Variants in RAF1 observed in about 807,000 individuals in gnomAD.
RAF1 encodes Raf-1 proto-oncogene, serine/threonine kinase.
Under a neutral mutation model 81.1 loss-of-function variants are expected in RAF1, and 27 were observed. The ratio of observed to expected loss-of-function variants is 0.33; its 90% CI spans 0.25 to 0.46. RAF1 has a LOEUF of 0.46. Ranked by LOEUF, RAF1 falls within the 20% of genes least tolerant of loss-of-function variation. RAF1 has a pLI of 1.00. For missense variants in RAF1, 598 were observed against 826.0 expected, an observed-to-expected ratio of 0.72 and a Z score of 3.38; for synonymous variants, 298 against 294.0, an observed-to-expected ratio of 1.01 and a Z score of -0.14.
chr3:12,659,676 C>G (rs1225711745), intron 1 of RAF1, among the ~76,000 whole-genome samples: 1 of 151,990 alleles, frequency 6.6e-6, no homozygotes, highest in Non-Finnish European at 1.5e-5. Flanking sequence ...AGAAATGACT[C>G]CCAAGATCTG....
chr3:12,600,520 A>C, intron 8 of RAF1, 105 bp from the exon 8 acceptor site: 2 of 1,224,466 alleles, frequency 1.6e-6, no homozygotes, highest in Non-Finnish European at 1.2e-6. Flanking sequence ...AGATTATAAA[A>C]ACCTCTAAAA....
At chr3:12,612,257 G>A (rs2059236157) in intron 2 of RAF1, among the ~76,000 whole-genome samples, 195 bp from the exon 3 acceptor site, 1 of 152,194 alleles carries the variant, frequency 6.6e-6, no homozygotes, top group Non-Finnish European at 1.5e-5. Flanking sequence ...GTCACATTAT[G>A]CAGCTATTAT....
rs111941154 is a variant in RAF1, at chr3:12,649,723, T to G, written c.-27+14090A>C. On this transcript the variant is annotated intron_variant, in intron 1 of 17. Coordinates refer to ENST00000442415, the MANE Select transcript of RAF1 (RefSeq NM_001354689.3). ...GTAAATGAAACACAAAAATATAACCTAGGGTCAGGCTCACACCTGTAATCT... is the reference window on the plus strand; with the variant it reads ...GTAAATGAAACACAAAAATATAACCGAGGGTCAGGCTCACACCTGTAATCT... 2.6e-5 allele frequency among the ~76,000 whole-genome samples: 4 copies of G among 152,118 alleles called. 1 individual carries two copies. Among genetic ancestry groups the G allele is most frequent in the African/African-American group, 9.6e-5 (4 of 41,482 alleles).
intron 13 of RAF1, chr3:12,590,204 C>A (rs2058465257): frequency 6.5e-6 from 1 of 154,544 alleles, no homozygotes. Context: ...CCACAGCTGT[C>A]CAAGCAGAAG....
chr3:12,635,772 G>T (rs2060007055), intron 1 of RAF1, among the ~76,000 whole-genome samples: 1 of 150,858 alleles, frequency 6.6e-6, no homozygotes, highest in African/African-American at 2.4e-5. Flanking sequence ...AGGAGATTGA[G>T]ACCATCCTGG....
Position 12,588,277 on chromosome 3 carries a change from T to C in RAF1, c.1431-640A>G, listed in dbSNP as rs1429541388. 3.9e-5 allele frequency: 6 copies of C among 152,354 alleles called. No individual in the cohort carries two copies. In the East Asian group the frequency reaches 1.2e-3, roughly 29 times the overall value. The allele number at this position is 152,354 out of a possible 1,614,324, so 9.4% of individuals were successfully genotyped here. A position where few individuals can be genotyped will look rare whatever the true frequency, so the allele number is the denominator to read the frequency against. ...CACATTAACCTTGAAAATACTATGC[T>C]AGGTCTAAGAGCCCAGGCACACAAT... is the stretch of plus-strand genomic sequence containing the variant. On this transcript the variant is annotated intron_variant, in intron 13 of 17. Transcript: ENST00000442415.
rs375338922 is a variant in RAF1 at position 12,609,217 on chromosome 3, G to C, written c.423+16C>G. The stretch of plus-strand genomic sequence containing the variant: ...AGCCCTCAACATGCCAGAAAGAGAA[G>C]AGATCTGCAACTTACAAAGTTGTGT... On this transcript the variant is annotated intron_variant, in intron 4 of 17. Transcript: ENST00000442415. 2 of 1,574,406 alleles carry C rather than the reference G, an allele frequency of 1.3e-6. No individual in the cohort carries two copies. Among genetic ancestry groups the C allele is most frequent in the African/African-American group, 2.7e-5 (2 of 74,018 alleles).
intron 1 of RAF1, among the ~76,000 whole-genome samples, chr3:12,639,774 G>A (rs200303605): frequency 1.1e-4 from 17 of 148,950 alleles, no homozygotes; most frequent in South Asian, 2.1e-4. Flanking sequence ...AATCAATATC[G>A]TGAAAATGGC....
At chr3:12,663,117 C>CCT (rs1462496923) in intron 1 of RAF1, among the ~76,000 whole-genome samples, 1 of 152,184 alleles carries the variant, frequency 6.6e-6, no homozygotes, top group Non-Finnish European at 1.5e-5. Flanking sequence ...CGTCCAAACC[C>CCT]CTCTCTCTTG....
rs1491570753 is a variant in RAF1, at chr3:12,642,719, C to CACACAAAA, written c.-27+21093_-27+21094insTTTTGTGT. On this transcript the variant is annotated intron_variant, in intron 1 of 17. Coordinates refer to ENST00000442415, the MANE Select transcript of RAF1 (RefSeq NM_001354689.3). ...ACACACACACACACACACACACACA[C>CACACAAAA]AAAATAGCTGCGTATGGTGGCATGG... 2.1e-5 allele frequency among the ~76,000 whole-genome samples: 3 copies of CACACAAAA among 141,376 alleles called. No individual in the cohort carries two copies. In the East Asian group the frequency reaches 6.1e-4, roughly 29 times the overall value. 92.7% of individuals were successfully genotyped at this position (141,376 alleles called of 152,430 possible). A position where few individuals can be genotyped will look rare whatever the true frequency, so the allele number is the denominator to read the frequency against.
rs566555202 is a variant in RAF1 at position 12,587,769 on chromosome 3, G to T, written c.1431-132C>A. 1.6e-4 allele frequency: 118 copies of T among 724,026 alleles called. No homozygotes were observed. The South Asian group carries it at 1.8e-3, about 11-fold the overall frequency. The allele number at this position is 724,026 out of a possible 1,614,324, so 44.9% of individuals were successfully genotyped here. A position where few individuals can be genotyped will look rare whatever the true frequency, so the allele number is the denominator to read the frequency against. On this transcript the variant is annotated intron_variant, in intron 13 of 17. Coordinates refer to ENST00000442415, the MANE Select transcript of RAF1 (RefSeq NM_001354689.3). ...AGTGTTACACACAGGGATAGACCCTGTGCTGTTCAGCCTGGTTCACATCAC... is the reference window on the plus strand; with the variant it reads ...AGTGTTACACACAGGGATAGACCCTTTGCTGTTCAGCCTGGTTCACATCAC...
At chr3:12,613,469 T>C (rs965364839) in intron 2 of RAF1, among the ~76,000 whole-genome samples, 28 of 141,960 alleles carry the variant, frequency 2.0e-4, no homozygotes, top group Non-Finnish European at 2.3e-4. Context: ...TGCATATATC[T>C]ACCTATGTGG....
At chr3:12,640,417 C>T (rs567658553) in intron 1 of RAF1, among the ~76,000 whole-genome samples, 2 of 152,028 alleles carry the variant, frequency 1.3e-5, no homozygotes, top group Admixed American at 6.6e-5. Flanking sequence ...AAACTACCAT[C>T]ACAGTGAACA....
intron 11 of RAF1, among the ~76,000 whole-genome samples, chr3:12,593,915 A>C (rs542696242): frequency 6.6e-6 from 1 of 151,960 alleles, no homozygotes; most frequent in Admixed American, 6.6e-5. Context: ...CAGGTGCCTA[A>C]GTAAATCTCT....
chr3:12,650,957 C>T (rs1046975984), intron 1 of RAF1, among the ~76,000 whole-genome samples: 1 of 152,124 alleles, frequency 6.6e-6, no homozygotes, highest in Non-Finnish European at 1.5e-5. Flanking sequence ...CAGACTAACG[C>T]AGAGGTAAAA....
At chr3:12,615,901 A>G (rs543827521) in intron 2 of RAF1, among the ~76,000 whole-genome samples, 1 of 152,026 alleles carries the variant, frequency 6.6e-6, no homozygotes, top group Admixed American at 6.6e-5. Flanking sequence ...ATACAAACAA[A>G]TTAGCCAGGC....
intron 5 of RAF1, among the ~76,000 whole-genome samples, chr3:12,606,578 T>C (rs995526023): frequency 6.6e-6 from 1 of 152,168 alleles, no homozygotes; most frequent in Non-Finnish European, 1.5e-5. Context: ...TCTCACTCTG[T>C]TGCCCAGGCT....
chr3:12,614,159 G>T (rs62240813), intron 2 of RAF1, among the ~76,000 whole-genome samples: 1 of 152,206 alleles, frequency 6.6e-6, no homozygotes, highest in Non-Finnish European at 1.5e-5. Context: ...AAAGAAATGG[G>T]GATACAGGGG....
chr3:12,604,489 CA>C (rs2058965707), intron 6 of RAF1, among the ~76,000 whole-genome samples, 200 bp from the exon 7 acceptor site: 1 of 152,104 alleles, frequency 6.6e-6, no homozygotes, highest in Non-Finnish European at 1.5e-5. Context: ...AAATTTGGAA[CA>C]GGAAATAATA....
Sources: gnomAD v4.1 joint callset for allele counts (sites outside exome capture counted in the v4.1 genomes callset) on GRCh38, gnomAD v4.1.1 for gene constraint, MANE v1.5 for transcripts, NCBI Gene and HGNC (gene_info 2026-07-23, HGNC 2026-07-21) for gene names.